The following EXOC6 variants were observed in gnomAD, a reference collection of about 807,000 sequenced individuals.
EXOC6 encodes the protein SEC15-like 1.
In EXOC6, 60 loss-of-function variants were observed where a neutral mutation model predicts 112.5. The ratio of observed to expected loss-of-function variants is 0.53; its 90% CI spans 0.43 to 0.66. The LOEUF is 0.66. Ranked by LOEUF, EXOC6 falls within the 30% of genes least tolerant of loss-of-function variation. EXOC6 has a pLI of 0.00. For synonymous variants in EXOC6, 295 were observed against 308.0 expected, an observed-to-expected ratio of 0.96 and a Z score of 0.44; for missense variants, 855 against 957.1, an observed-to-expected ratio of 0.89 and a Z score of 1.41.
upstream of EXOC6, among the ~76,000 whole-genome samples, chr10:92,830,408 C>T (rs1846455968): frequency 6.6e-6 from 1 of 152,016 alleles, no homozygotes; most frequent in South Asian, 2.1e-4. Context: ...GACAGTGACT[C>T]AGTTATAGAG....
intron 21 of EXOC6, 111 bp from the exon 22 acceptor site, chr10:93,058,112 C>T: frequency 1.1e-6 from 1 of 918,934 alleles, no homozygotes; most frequent in South Asian, 1.7e-5. Flanking sequence ...CTATATTTTT[C>T]AAGCATAGGA....
At chr10:92,916,480 A>G (rs1413107545) in intron 7 of EXOC6, among the ~76,000 whole-genome samples, 1 of 152,192 alleles carries the variant, frequency 6.6e-6, no homozygotes, top group Non-Finnish European at 1.5e-5. Flanking sequence ...ACTGTACTCC[A>G]GCCTGGGAGA....
intron 1 of EXOC6, among the ~76,000 whole-genome samples, chr10:92,827,504 A>AAAAAAAAAAAAC (rs1846406089): frequency 6.7e-6 from 1 of 150,292 alleles, no homozygotes; most frequent in Non-Finnish European, 1.5e-5. Context: ...AAAAAAAAAA[A>AAAAAAAAAAAAC]AATCCCCATG....
intron 18 of EXOC6, among the ~76,000 whole-genome samples, chr10:92,975,588 G>A (rs1160365190): frequency 3.5e-5 from 5 of 141,992 alleles, no homozygotes; most frequent in East Asian, 2.2e-4. Flanking sequence ...CCCCTGCCCG[G>A]CCAGCCGCCC....
At chr10:92,838,377 CCTGA>C (rs1319407939) in intron 1 of EXOC6, among the ~76,000 whole-genome samples, 1 of 152,168 alleles carries the variant, frequency 6.6e-6, no homozygotes, top group Non-Finnish European at 1.5e-5. Context: ...TCGTTTCCTG[CCTGA>C]CTTTCCCAAT....
intron 1 of EXOC6, among the ~76,000 whole-genome samples, chr10:92,854,039 G>T (rs1259612524): frequency 6.8e-6 from 1 of 147,440 alleles, no homozygotes; most frequent in Admixed American, 6.8e-5. Flanking sequence ...AGAAAGAAAA[G>T]GTGAGCCACA....
intron 5 of EXOC6, among the ~76,000 whole-genome samples, chr10:92,902,685 T>C (rs577652588): frequency 9.2e-5 from 14 of 152,266 alleles, no homozygotes; most frequent in African/African-American, 3.4e-4. Context: ...AGCTTTCTTA[T>C]ACTTCCTCAC....
At chr10:92,835,665 A>G (rs968581920) in intron 1 of EXOC6, among the ~76,000 whole-genome samples, 3 of 152,198 alleles carry the variant, frequency 2.0e-5, no homozygotes, top group South Asian at 2.1e-4. Context: ...TAAATCCACT[A>G]AAGTTTAAAC....
chr10:92,934,062 A>T, intron 9 of EXOC6, 82 bp from the exon 10 acceptor site: 1 of 802,872 alleles, frequency 1.2e-6, no homozygotes. Context: ...AATATTTGTT[A>T]ATGAAGTTGT....
intron 18 of EXOC6, among the ~76,000 whole-genome samples, chr10:92,988,368 C>CA (rs1461945441): frequency 6.6e-6 from 1 of 152,032 alleles, no homozygotes; most frequent in Non-Finnish European, 1.5e-5. Context: ...TAGGGAAAAA[C>CA]AAAATCTTAT....
intron 1 of EXOC6, among the ~76,000 whole-genome samples, chr10:92,852,212 A>G (rs1008459382): frequency 1.3e-5 from 2 of 152,222 alleles, no homozygotes; most frequent in Non-Finnish European, 2.9e-5. Flanking sequence ...TCAATTAAAG[A>G]AAGGGAATTT....
At chr10:92,965,652 A>T (rs2134056293) in intron 17 of EXOC6, among the ~76,000 whole-genome samples, 1 of 152,332 alleles carries the variant, frequency 6.6e-6, no homozygotes. Flanking sequence ...ATCATCTCTT[A>T]GGAATGTCTT....
chr10:92,913,925 T>G (rs1850941440), intron 6 of EXOC6, among the ~76,000 whole-genome samples: 1 of 152,216 alleles, frequency 6.6e-6, no homozygotes, highest in South Asian at 2.1e-4. Context: ...GAATCCACTG[T>G]TAGTCTGATG....
intron 15 of EXOC6, 54 bp downstream of exon 15, chr10:92,952,436 T>A (rs545595593): frequency 9.0e-7 from 1 of 1,106,290 alleles, no homozygotes; most frequent in Admixed American, 2.0e-5. Flanking sequence ...GAAACATTAA[T>A]ACTTTATTTT....
At chr10:92,966,741 G>A (rs367950911) in intron 17 of EXOC6, among the ~76,000 whole-genome samples, 5 of 145,768 alleles carry the variant, frequency 3.4e-5, no homozygotes, top group Non-Finnish European at 4.5e-5. Flanking sequence ...TAGTGCCGCA[G>A]TAAACATACG....
At chr10:92,944,245 A>AT (rs34863592) in intron 13 of EXOC6, among the ~76,000 whole-genome samples, 1,604 of 150,526 alleles carry the variant, frequency 0.011, 33 homozygotes, top group African/African-American at 0.037. Flanking sequence ...AATTTTTATT[A>AT]TTTTTTTTGA....
chr10:93,020,532 A>G (rs1020772820), intron 20 of EXOC6, among the ~76,000 whole-genome samples: 1 of 152,156 alleles, frequency 6.6e-6, no homozygotes, highest in Non-Finnish European at 1.5e-5. Context: ...GATGCCTCTT[A>G]TTAAAAATAT....
chr10:92,958,031 A>G (rs539757479), intron 17 of EXOC6, among the ~76,000 whole-genome samples: 2 of 152,312 alleles, frequency 1.3e-5, no homozygotes, highest in Admixed American at 1.3e-4. Context: ...TTCCCTTTCA[A>G]AAACTGCATA....
intron 4 of EXOC6, among the ~76,000 whole-genome samples, chr10:92,899,176 TTGG>T (rs1850009747): frequency 6.6e-6 from 1 of 152,206 alleles, no homozygotes; most frequent in Non-Finnish European, 1.5e-5. Flanking sequence ...GTTATTTTAT[TTGG>T]TATGTTGAGT....
Sources: gnomAD v4.1 joint callset for allele counts (sites outside exome capture counted in the v4.1 genomes callset) on GRCh38, gnomAD v4.1.1 for gene constraint, MANE v1.5 for transcripts, NCBI Gene and HGNC (gene_info 2026-07-23, HGNC 2026-07-21) for gene names.